The following EDIL3 variants were observed in gnomAD, a reference collection of about 807,000 sequenced individuals.
The protein encoded by EDIL3 is EGF-like repeat and discoidin I-like domain-containing protein 3.
In EDIL3, 37 loss-of-function variants were observed where a neutral mutation model predicts 67.4. The observed-to-expected ratio is 0.55, with a 90% CI of 0.42 to 0.72. EDIL3 has a LOEUF of 0.72. EDIL3 is among the 30% of genes least tolerant of loss of function. The pLI, the probability that EDIL3 is intolerant of heterozygous loss-of-function variation, is 0.00. For synonymous variants in EDIL3, 195 were observed against 196.3 expected (o/e 0.99, Z 0.05); for missense variants, 527 against 586.3 (o/e 0.90, Z 1.04).
intron 1 of EDIL3, among the ~76,000 whole-genome samples, chr5:84,348,338 G>C (rs1561264742): frequency 2.0e-5 from 3 of 152,090 alleles, no homozygotes; most frequent in Non-Finnish European, 4.4e-5. Flanking sequence ...TGGTATGGGA[G>C]CTGGGCATTA....
intron 1 of EDIL3, among the ~76,000 whole-genome samples, chr5:84,338,313 C>T (rs1201267758): frequency 2.0e-5 from 3 of 152,146 alleles, no homozygotes; most frequent in Admixed American, 2.0e-4. Flanking sequence ...GAGCAGGGAT[C>T]TTAAAATGCG....
At chr5:84,120,528 C>A (rs1453790167) in intron 5 of EDIL3, among the ~76,000 whole-genome samples, 1 of 151,974 alleles carries the variant, frequency 6.6e-6, no homozygotes, top group Non-Finnish European at 1.5e-5. Flanking sequence ...GACACAGATG[C>A]CGTGGCATGA....
At chr5:84,054,314 T>C (rs1433868699) in intron 9 of EDIL3, among the ~76,000 whole-genome samples, 3 of 152,146 alleles carry the variant, frequency 2.0e-5, no homozygotes, top group Non-Finnish European at 4.4e-5. Flanking sequence ...TATCTAAAAA[T>C]AATAAGAGCT....
At chr5:84,332,862 C>A (rs1436472670) in intron 1 of EDIL3, among the ~76,000 whole-genome samples, 1 of 152,148 alleles carries the variant, frequency 6.6e-6, no homozygotes, top group Non-Finnish European at 1.5e-5. Flanking sequence ...AATAGGTCCC[C>A]ACTTGAAAAT....
At chr5:84,050,354 G>C (rs1003959684) in intron 9 of EDIL3, among the ~76,000 whole-genome samples, 1 of 152,158 alleles carries the variant, frequency 6.6e-6, no homozygotes, top group African/African-American at 2.4e-5. Context: ...TGGCAGAATA[G>C]GAACAGCTCC....
chr5:84,125,233 T>A (rs998813019), intron 5 of EDIL3, among the ~76,000 whole-genome samples: 2 of 152,000 alleles, frequency 1.3e-5, no homozygotes, highest in Non-Finnish European at 2.9e-5. Context: ...TTTCTTGGAA[T>A]CAAAAATACC....
intron 3 of EDIL3, among the ~76,000 whole-genome samples, chr5:84,198,548 G>A (rs1743763609): frequency 6.6e-6 from 1 of 152,060 alleles, no homozygotes; most frequent in South Asian, 2.1e-4. Flanking sequence ...ATCAGAATGA[G>A]TAAAGAAGAA....
At chr5:83,958,243 T>G (rs566516451) in intron 10 of EDIL3, among the ~76,000 whole-genome samples, 37 of 151,678 alleles carry the variant, frequency 2.4e-4, no homozygotes, top group African/African-American at 8.9e-4. Flanking sequence ...AGCTGGGGCC[T>G]CTGTAAACAT....
intron 3 of EDIL3, among the ~76,000 whole-genome samples, chr5:84,196,102 G>A (rs1182401565): frequency 6.6e-6 from 1 of 151,876 alleles, no homozygotes; most frequent in Non-Finnish European, 1.5e-5. Context: ...AAGAAATGTT[G>A]TTGCCTCTAC....
chr5:83,943,148 C>A lies in EDIL3; in HGVS notation c.*271G>T, dbSNP rs944494562. Reference sequence around the variant, plus strand: ...TTTCCCTAATATATTTCTACCAATGCGAATAATTCAGGAAACAATGAGAGA... The same window carrying A: ...TTTCCCTAATATATTTCTACCAATGAGAATAATTCAGGAAACAATGAGAGA... On this transcript the variant is annotated 3_prime_UTR_variant, in exon 11 of 11. Transcript: ENST00000296591. 6 of 365,540 alleles carry A rather than the reference C, an allele frequency of 1.6e-5. No individual in the cohort carries two copies. Among genetic ancestry groups the A allele is most frequent in the Non-Finnish European group, 2.5e-5 (5 of 199,602 alleles). The allele number at this position is 365,540 out of a possible 1,614,324, so 22.6% of individuals were successfully genotyped here. A position where few individuals can be genotyped will look rare whatever the true frequency, so the allele number is the denominator to read the frequency against.
chr5:84,169,494 T>C, intron 4 of EDIL3, among the ~76,000 whole-genome samples: 1 of 152,012 alleles, frequency 6.6e-6, no homozygotes, highest in South Asian at 2.1e-4. Context: ...ATATACGAAA[T>C]GGTTCAAACA....
At chr5:84,057,733 T>G (rs1746474638) in intron 9 of EDIL3, among the ~76,000 whole-genome samples, 1 of 152,152 alleles carries the variant, frequency 6.6e-6, no homozygotes, top group Non-Finnish European at 1.5e-5. Context: ...GGTATCAAAC[T>G]TATATGCTAT....
intron 6 of EDIL3, among the ~76,000 whole-genome samples, chr5:84,081,985 A>G (rs1286548975): frequency 6.6e-6 from 1 of 152,190 alleles, no homozygotes; most frequent in East Asian, 1.9e-4. Flanking sequence ...GAAAAATAAA[A>G]ATGGAATATC....
At chr5:84,178,638 A>G (rs1311041618) in intron 4 of EDIL3, among the ~76,000 whole-genome samples, 1 of 152,222 alleles carries the variant, frequency 6.6e-6, no homozygotes, top group African/African-American at 2.4e-5. Flanking sequence ...TTGTACGTCT[A>G]AAAATCACAG....
chr5:84,197,983 C>T (rs967792997), intron 3 of EDIL3, among the ~76,000 whole-genome samples: 1 of 151,800 alleles, frequency 6.6e-6, no homozygotes, highest in Non-Finnish European at 1.5e-5. Context: ...ATGTCTGCCT[C>T]AACAGTGGAA....
intron 3 of EDIL3, among the ~76,000 whole-genome samples, chr5:84,205,020 C>A (rs1360469072): frequency 3.9e-5 from 6 of 151,988 alleles, no homozygotes; most frequent in Admixed American, 1.3e-4. Flanking sequence ...ACAAGCAATC[C>A]TCCAGCTTCA....
chr5:83,983,759 T>TTC (rs60852700), intron 9 of EDIL3, among the ~76,000 whole-genome samples: 1 of 150,612 alleles, frequency 6.6e-6, no homozygotes, highest in Non-Finnish European at 1.5e-5. Flanking sequence ...TTTTTTTTTT[T>TTC]CACTGTTCAT....
At chr5:84,003,495 A>C (rs1745366118) in intron 9 of EDIL3, among the ~76,000 whole-genome samples, 1 of 152,196 alleles carries the variant, frequency 6.6e-6, no homozygotes, top group African/African-American at 2.4e-5. Context: ...AATGCGAGGA[A>C]ATATAGAGAA....
intron 3 of EDIL3, among the ~76,000 whole-genome samples, chr5:84,189,229 G>C (rs924734767): frequency 5.3e-5 from 8 of 151,936 alleles, no homozygotes; most frequent in African/African-American, 1.7e-4. Flanking sequence ...TAACTAGGTA[G>C]AATCCAGAAT....
Sources: gnomAD v4.1 joint callset for allele counts (sites outside exome capture counted in the v4.1 genomes callset) on GRCh38, gnomAD v4.1.1 for gene constraint, MANE v1.5 for transcripts, NCBI Gene and HGNC (gene_info 2026-07-23, HGNC 2026-07-21) for gene names.